The following UTY variants were observed in gnomAD, a reference collection of about 807,000 sequenced individuals.
UTY encodes ubiquitously transcribed tetratricopeptide repeat containing, Y-linked, also known as histone demethylase UTY.
A neutral mutation model predicts 32.5 loss-of-function variants in UTY; 12 were observed. The observed-to-expected ratio is 0.37, with a 90% CI of 0.24 to 0.60. The LOEUF is 0.60. Among genes scored for constraint, UTY ranks in the 20% least tolerant of loss-of-function variants. UTY has a pLI of 0.69. For synonymous variants in UTY, 131 were observed against 103.4 expected, an observed-to-expected ratio of 1.27 and a Z score of -1.62; for missense variants, 303 against 299.2, an observed-to-expected ratio of 1.01 and a Z score of -0.09.
At chrY:13,467,011 T>C (rs1013996750) in intron 3 of UTY, among the ~76,000 whole-genome samples, 1 of 33,809 alleles carries the variant, frequency 3.0e-5, no homozygotes, top group Non-Finnish European at 7.4e-5. Flanking sequence ...GTTCAGGCAA[T>C]TCTCCTGCCC....
chrY:13,378,644 A>G (rs2065655360), intron 8 of UTY, among the ~76,000 whole-genome samples: 1 of 32,598 alleles, frequency 3.1e-5, no homozygotes, highest in South Asian at 6.8e-4. Context: ...GTATGGTGTC[A>G]CACACCTGTA....
chrY:13,437,005 T>C (rs1014743510), intron 4 of UTY, among the ~76,000 whole-genome samples: 1 of 29,050 alleles, frequency 3.4e-5, no homozygotes, highest in Non-Finnish European at 8.3e-5. Context: ...CACACACACA[T>C]CTTACAGGCT....
At chrY:13,408,339 A>G (rs760877464) in intron 6 of UTY, among the ~76,000 whole-genome samples, 7 of 32,636 alleles carry the variant, frequency 2.1e-4, no homozygotes, top group African/African-American at 3.6e-4. Context: ...TCTACTAAAC[A>G]TGGAAAAATC....
chrY:13,415,736 A>G, intron 4 of UTY, among the ~76,000 whole-genome samples: 1 of 33,873 alleles, frequency 3.0e-5, no homozygotes, highest in East Asian at 7.8e-4. Context: ...TAAGTACACC[A>G]TATGATGTTG....
chrY:13,326,737 C>T, intron 18 of UTY, among the ~76,000 whole-genome samples: 2 of 34,017 alleles, frequency 5.9e-5, no homozygotes, highest in East Asian at 7.5e-4. Flanking sequence ...AAGTGATTTA[C>T]GTATCCTTAA....
At position 13,336,350 on chromosome Y, in the gene UTY, T is replaced by A. The variant is rs2061094079; in HGVS notation, c.2062-15A>T. The A allele has an allele frequency of 2.9e-6, 1 of 350,665 alleles. No homozygotes were observed. The highest frequency in any genetic ancestry group is 3.2e-5 in the South Asian group (1 of 30,895). The allele number at this position is 350,665 out of a possible 400,897, so 87.5% of individuals were successfully genotyped here. ...TTATGAAGCCCCTAAAAAAAAAAAA[T>A]TGAAATTTAATATCATGGGAGCTGA... is the stretch of plus-strand genomic sequence containing the variant. On this transcript the variant is annotated splice_polypyrimidine_tract_variant and intron_variant, in intron 17 of 29. Transcript: ENST00000545955.
chrY:13,253,845 G>A (rs2148374437), intron 28 of UTY, among the ~76,000 whole-genome samples: 3 of 33,048 alleles, frequency 9.1e-5, no homozygotes, highest in Admixed American at 8.3e-4. Context: ...TCAAATTAAT[G>A]TAACTGCAGA....
At chrY:13,323,480 T>C in intron 21 of UTY, 75 bp downstream of exon 21, 1 of 246,281 alleles carries the variant, frequency 4.1e-6, no homozygotes. Flanking sequence ...CAGTATGCAC[T>C]AGACAATAAT....
At chrY:13,272,996 A>G in intron 27 of UTY, among the ~76,000 whole-genome samples, 2 of 33,964 alleles carry the variant, frequency 5.9e-5, no homozygotes, top group Non-Finnish European at 7.3e-5. Flanking sequence ...ATTCTACAAT[A>G]CATAATTATT....
At chrY:13,444,527 G>C in intron 4 of UTY, among the ~76,000 whole-genome samples, 3 of 33,703 alleles carry the variant, frequency 8.9e-5, no homozygotes, top group African/African-American at 2.3e-4. Context: ...AGCTGAGGAA[G>C]GTGAATGGAT....
At chrY:13,427,678 G>A in intron 4 of UTY, among the ~76,000 whole-genome samples, 2 of 33,180 alleles carry the variant, frequency 6.0e-5, no homozygotes, top group East Asian at 1.6e-3. Flanking sequence ...CCAAACTGGA[G>A]CACTCAGATT....
chrY:13,271,393 G>A, intron 27 of UTY, among the ~76,000 whole-genome samples: 1 of 33,126 alleles, frequency 3.0e-5, no homozygotes, highest in Non-Finnish European at 7.5e-5. Context: ...ATTTTCCTGG[G>A]CAATTGATGC....
intron 4 of UTY, among the ~76,000 whole-genome samples, chrY:13,425,362 C>T: frequency 3.0e-5 from 1 of 33,694 alleles, no homozygotes; most frequent in African/African-American, 1.2e-4. Flanking sequence ...TTGGTCCTAT[C>T]CCACAAGAAC....
intron 3 of UTY, among the ~76,000 whole-genome samples, chrY:13,462,863 A>G (rs2077502548): frequency 3.2e-5 from 1 of 31,010 alleles, no homozygotes; most frequent in Non-Finnish European, 7.7e-5. Flanking sequence ...ATATATATAT[A>G]TATGTACATA....
chrY:13,316,647 T>A, intron 21 of UTY, among the ~76,000 whole-genome samples: 1 of 32,934 alleles, frequency 3.0e-5, no homozygotes, highest in Non-Finnish European at 7.4e-5. Context: ...TTAACTGTTT[T>A]GTTGTTGTTT....
chrY:13,337,548 A>T (rs2149060754), intron 17 of UTY, among the ~76,000 whole-genome samples: 1 of 33,609 alleles, frequency 3.0e-5, no homozygotes, highest in South Asian at 6.6e-4. Flanking sequence ...GCACCAAGAC[A>T]AACGAGGATT....
intron 26 of UTY, among the ~76,000 whole-genome samples, chrY:13,298,735 C>A (rs1276668600): frequency 8.4e-5 from 1 of 11,941 alleles, no homozygotes; most frequent in South Asian, 2.6e-3. Flanking sequence ...GCCTGGGCGA[C>A]AGAGTGAGAC....
downstream of UTY, among the ~76,000 whole-genome samples, chrY:13,245,644 G>T (rs768226514): frequency 2.9e-5 from 1 of 34,310 alleles, no homozygotes; most frequent in Non-Finnish European, 7.3e-5. Flanking sequence ...CAAGTACTAA[G>T]CATTTCTTCC....
intron 28 of UTY, among the ~76,000 whole-genome samples, chrY:13,252,806 ATCCCTT>A (rs2054332027): frequency 2.9e-5 from 1 of 34,477 alleles, no homozygotes; most frequent in Admixed American, 2.6e-4. Context: ...AATTCAGCCC[ATCCCTT>A]GATTTCCCAT....
Sources: gnomAD v4.1 joint callset for allele counts (sites outside exome capture counted in the v4.1 genomes callset) on GRCh38, gnomAD v4.1.1 for gene constraint, MANE v1.5 for transcripts, NCBI Gene and HGNC (gene_info 2026-07-23, HGNC 2026-07-21) for gene names.